Variants in COL23A1 observed in about 807,000 individuals in gnomAD.
COL23A1 encodes the protein collagen alpha-1(XXIII) chain.
COL23A1 carries 97 observed loss-of-function variants against 99.3 expected under a neutral mutation model. That is an observed-to-expected ratio of 0.98 (90% CI 0.83 to 1.16). The LOEUF (loss-of-function observed/expected upper bound fraction) is 1.16. Among genes scored for constraint, COL23A1 ranks in the 50% most tolerant of loss-of-function variants. The pLI, the probability that COL23A1 is intolerant of heterozygous loss-of-function variation, is 0.00. For missense variants in COL23A1, 762 were observed against 757.4 expected, an observed-to-expected ratio of 1.01 and a Z score of -0.07; for synonymous variants, 320 against 308.2, an observed-to-expected ratio of 1.04 and a Z score of -0.40.
rs75150259 is a variant in COL23A1 at position 178,458,766 on chromosome 5, T to C, written c.361+101916A>G. Among the ~76,000 whole-genome samples, 601 of 152,270 alleles carry C rather than the reference T, an allele frequency of 3.9e-3. 7 individuals carry two copies. Among genetic ancestry groups the C allele is most frequent in the Non-Finnish European group, 6.1e-3 (415 of 68,032 alleles). On this transcript the variant is annotated intron_variant, in intron 2 of 28. Coordinates refer to ENST00000390654, the MANE Select transcript of COL23A1 (RefSeq NM_173465.4). ...CTTATAGAATGGATCTGGGCAAGCA[T>C]GATCAACAGCAGTGAACGTCACAAA...
intron 2 of COL23A1, among the ~76,000 whole-genome samples, chr5:178,536,620 G>A (rs538951321): frequency 6.8e-4 from 104 of 152,310 alleles, no homozygotes; most frequent in African/African-American, 2.5e-3. Flanking sequence ...CACACTTCTA[G>A]GCCCACAGCA....
intron 2 of COL23A1, among the ~76,000 whole-genome samples, chr5:178,405,213 C>T (rs1764696702): frequency 1.3e-5 from 2 of 152,216 alleles, no homozygotes; most frequent in Non-Finnish European, 2.9e-5. Context: ...TAAACCACAG[C>T]CCGGCTCTGA....
At chr5:178,469,569 A>C (rs1257269569) in intron 2 of COL23A1, among the ~76,000 whole-genome samples, 4 of 151,868 alleles carry the variant, frequency 2.6e-5, no homozygotes, top group Middle Eastern at 3.4e-3. Context: ...CCGGGGAAAG[A>C]CCACAGCTGA....
intron 2 of COL23A1, among the ~76,000 whole-genome samples, chr5:178,358,035 T>TATGC (rs1761832315): frequency 7.3e-6 from 1 of 137,458 alleles, no homozygotes; most frequent in Non-Finnish European, 1.7e-5. Context: ...TATGCGTATG[T>TATGC]GTATGTGTAT....
chr5:178,563,526 CTTTTTTTT>C (rs779487808), intron 1 of COL23A1, among the ~76,000 whole-genome samples: 7 of 83,230 alleles, frequency 8.4e-5, no homozygotes, highest in Non-Finnish European at 1.5e-4. Flanking sequence ...TCAGAACTCA[CTTTTTTTT>C]TTTTTTTTTT....
intron 2 of COL23A1, among the ~76,000 whole-genome samples, chr5:178,447,407 T>A (rs1278003140): frequency 6.6e-6 from 1 of 152,194 alleles, no homozygotes; most frequent in Admixed American, 6.5e-5. Context: ...ATGTGCCACA[T>A]AACATTTGGG....
chr5:178,250,027 C>T (rs745716462), intron 18 of COL23A1, 34 bp downstream of exon 18: 1 of 1,613,198 alleles, frequency 6.2e-7, no homozygotes, highest in Admixed American at 1.7e-5. Context: ...ATACCAGGCA[C>T]TGGCATCACC....
intron 2 of COL23A1, among the ~76,000 whole-genome samples, chr5:178,516,964 T>A (rs1398873038): frequency 6.6e-6 from 1 of 152,186 alleles, no homozygotes; most frequent in East Asian, 1.9e-4. Flanking sequence ...GCTTTGTGTG[T>A]GGAAAGCGCC....
At chr5:178,561,310 C>A (rs184222249) in intron 1 of COL23A1, among the ~76,000 whole-genome samples, 1 of 152,318 alleles carries the variant, frequency 6.6e-6, no homozygotes, top group East Asian at 1.9e-4. Context: ...TTCCTCTTAC[C>A]AGTGGGGATC....
chr5:178,524,177 C>T (rs1411514187), intron 2 of COL23A1, among the ~76,000 whole-genome samples: 3 of 152,154 alleles, frequency 2.0e-5, no homozygotes, highest in Non-Finnish European at 4.4e-5. Context: ...TGGCTGGATC[C>T]AGGCACTCCA....
At chr5:178,295,681 C>A (rs1275775717) in intron 3 of COL23A1, among the ~76,000 whole-genome samples, 1 of 152,194 alleles carries the variant, frequency 6.6e-6, no homozygotes, top group African/African-American at 2.4e-5. Context: ...TAAAAACAGT[C>A]CTCATCACAG....
At chr5:178,349,085 C>A (rs1183000442) in intron 2 of COL23A1, among the ~76,000 whole-genome samples, 1 of 152,112 alleles carries the variant, frequency 6.6e-6, no homozygotes. Flanking sequence ...GTAGAGCCGA[C>A]GAGGGCTTAC....
chr5:178,261,450 T>C (rs535856538), intron 11 of COL23A1, among the ~76,000 whole-genome samples: 2 of 152,160 alleles, frequency 1.3e-5, no homozygotes, highest in South Asian at 4.2e-4. Context: ...GAAAATCTAT[T>C]TGAAACCAAA....
At chr5:178,430,983 G>A (rs1226116182) in intron 2 of COL23A1, among the ~76,000 whole-genome samples, 2 of 152,150 alleles carry the variant, frequency 1.3e-5, no homozygotes, top group African/African-American at 4.8e-5. Context: ...CAGGGAGATG[G>A]TGGAGGAAGA....
intron 2 of COL23A1, among the ~76,000 whole-genome samples, chr5:178,543,024 G>A (rs527416282): frequency 2.6e-5 from 4 of 152,232 alleles, no homozygotes; most frequent in Admixed American, 6.5e-5. Flanking sequence ...GGTGAGATGC[G>A]AGTACAGGGA....
intron 2 of COL23A1, among the ~76,000 whole-genome samples, chr5:178,429,458 C>T (rs1766134397): frequency 6.6e-6 from 1 of 152,260 alleles, no homozygotes; most frequent in African/African-American, 2.4e-5. Context: ...GAAACTGAGT[C>T]AGGCAAAAAC....
chr5:178,295,417 A>G (rs1757687233), intron 3 of COL23A1, among the ~76,000 whole-genome samples: 1 of 152,246 alleles, frequency 6.6e-6, no homozygotes, highest in South Asian at 2.1e-4. Context: ...ATCTTCATTC[A>G]TAATAAAAGA....
At chr5:178,358,513 A>G (rs183227197) in intron 2 of COL23A1, among the ~76,000 whole-genome samples, 4,675 of 128,830 alleles carry the variant, frequency 0.036, 125 homozygotes, top group Middle Eastern at 0.056. Flanking sequence ...ATATGTGTGT[A>G]TGTGTGTATG....
intron 2 of COL23A1, among the ~76,000 whole-genome samples, chr5:178,485,644 T>C (rs2127959561): frequency 6.6e-6 from 1 of 151,420 alleles, no homozygotes; most frequent in East Asian, 2.0e-4. Flanking sequence ...GCCAGGTGTG[T>C]TGGCATGTGC....
Sources: allele counts gnomAD v4.1 joint callset (sites outside exome capture counted in the v4.1 genomes callset), GRCh38; gene constraint gnomAD v4.1.1; transcripts MANE v1.5; gene names NCBI Gene and HGNC (gene_info 2026-07-23, HGNC 2026-07-21).